ZNF382: variants seen among roughly 807,000 people sequenced by gnomAD.
ZNF382 encodes KRAB/zinc finger suppressor protein 1.
A neutral mutation model predicts 38.8 loss-of-function variants in ZNF382; 20 were observed. The ratio of observed to expected loss-of-function variants is 0.51; its 90% CI spans 0.36 to 0.75. The LOEUF (loss-of-function observed/expected upper bound fraction) is 0.75, where lower values mean the gene tolerates loss of function less well. Among genes scored for constraint, ZNF382 ranks in the 30% least tolerant of loss-of-function variants. The probability of loss-of-function intolerance (pLI) is 0.00; values close to 1 mark genes in which losing one functional copy is unlikely to be tolerated. For missense variants in ZNF382, 546 were observed against 654.1 expected (o/e 0.83, Z 1.80); for synonymous variants, 202 against 223.1 (o/e 0.91, Z 0.84).
rs1170676147 is a variant in ZNF382 at position 36,631,313 on chromosome 19, T to C, written c.*3763T>C. 1 of 152,132 alleles carries C rather than the reference T, an allele frequency of 6.6e-6. No homozygotes were observed. Among genetic ancestry groups the C allele is most frequent in the Non-Finnish European group, 1.5e-5 (1 of 68,028 alleles). 9.4% of individuals were successfully genotyped at this position (152,132 alleles called of 1,614,324 possible). On this transcript the variant is annotated 3_prime_UTR_variant, in exon 5 of 5. Coordinates refer to ENST00000292928, the MANE Select transcript of ZNF382 (RefSeq NM_032825.5). ...TACTGTGCTGGATACTATAGGCAATTGTAACACAATGGTAATTATTTGTAT... is the reference window on the plus strand; with the variant it reads ...TACTGTGCTGGATACTATAGGCAATCGTAACACAATGGTAATTATTTGTAT...
intron 4 of ZNF382, among the ~76,000 whole-genome samples, chr19:36,616,918 TGGA>T (rs1333776294): frequency 2.0e-5 from 3 of 151,800 alleles, no homozygotes; most frequent in Non-Finnish European, 4.4e-5. Context: ...GACAGAGGGA[TGGA>T]GGAGTTCTGA....
chr19:36,613,306 A>G (rs923463995), intron 4 of ZNF382, among the ~76,000 whole-genome samples: 5 of 151,808 alleles, frequency 3.3e-5, no homozygotes, highest in African/African-American at 4.8e-5. Context: ...TGTTTCTTTT[A>G]TCATTAATTA....
Position 36,627,595 on chromosome 19 carries a change from C to G in ZNF382, c.*45C>G. On this transcript the variant is annotated 3_prime_UTR_variant, in exon 5 of 5. Coordinates refer to ENST00000292928, the MANE Select transcript of ZNF382 (RefSeq NM_032825.5). The stretch of plus-strand genomic sequence containing the variant: ...AAAAAAATGTTAAGTCATAGTAAAC[C>G]CTGTAGATGATGTTGCTTGCAAGCG... 2.1e-6 allele frequency: 3 copies of G among 1,421,514 alleles called. No homozygotes were observed. The highest frequency in any genetic ancestry group is 2.9e-6 in the Non-Finnish European group (3 of 1,022,012). The allele number at this position is 1,421,514 out of a possible 1,614,324, so 88.1% of individuals were successfully genotyped here. A position where few individuals can be genotyped will look rare whatever the true frequency, so the allele number is the denominator to read the frequency against.
rs1420992640 is a variant in ZNF382, at chr19:36,618,412, G to A, written c.232+7670G>A. Among the ~76,000 whole-genome samples, 3 of 152,188 alleles carry A rather than the reference G, an allele frequency of 2.0e-5. No homozygotes were observed. In the East Asian group the frequency reaches 5.8e-4, roughly 29 times the overall value. ...GTAGTTAACCAAGGCTTTGAGGATG[G>A]CTTATGCCAACTTTGGGGCTCTGCT... is the stretch of plus-strand genomic sequence containing the variant. On this transcript the variant is annotated intron_variant, in intron 4 of 4. Transcript: ENST00000292928.
rs970790256 is a variant in ZNF382, at chr19:36,626,702, G to A, written c.805G>A (p.Ala269Thr). 2.5e-6 allele frequency: 4 copies of A among 1,613,940 alleles called. No homozygotes were observed. The highest frequency in any genetic ancestry group is 3.4e-6 in the Non-Finnish European group (4 of 1,180,012). ...TAATCTTATGGAAAAGAAGCCCTCTGCCTACAACAAATATGGGAAATTCCT... is the reference window on the plus strand; with the variant it reads ...TAATCTTATGGAAAAGAAGCCCTCTACCTACAACAAATATGGGAAATTCCT... ...PSNLMEKKPS[A>T]YNKYGKFLCR... The change falls in exon 5 of 5, where the codon GCC becomes ACC. Residue 269 changes from alanine (A) to threonine (T), a missense_variant. Transcript: ENST00000292928.
rs1208610621 is a variant in ZNF382, at chr19:36,610,734, G to A, written c.224G>A (p.Ser75Asn). Residue 75 changes from serine (S) to asparagine (N), a missense_variant, in exon 4 of 5, where the codon AGC (serine) becomes AAC (asparagine). Coordinates refer to ENST00000292928, the MANE Select transcript of ZNF382 (RefSeq NM_032825.5). ...LWTQRIFPSY[S>N]YLEEDGKTED... ...ACACAGAGAATTTTTCCAAGTTACA[G>A]CTACCTAGGTGAGTCTATAAATGAA... 6.2e-7 allele frequency: 1 copy of A among 1,612,324 alleles called. No homozygotes were observed. Among genetic ancestry groups the A allele is most frequent in the Non-Finnish European group, 8.5e-7 (1 of 1,178,692 alleles).
chr19:36,632,840 A>C lies in ZNF382; in HGVS notation c.*5290A>C, dbSNP rs1025961379. ...TCACCCTCTGTGTCCCCAGTATCAG[A>C]TAGTGCACAGTACATCTCAAATGTG... On this transcript the variant is annotated 3_prime_UTR_variant, in exon 5 of 5. Coordinates refer to ENST00000292928, the MANE Select transcript of ZNF382 (RefSeq NM_032825.5). 1.3e-5 allele frequency: 2 copies of C among 152,220 alleles called. No homozygotes were observed. The highest frequency in any genetic ancestry group is 1.5e-5 in the Non-Finnish European group (1 of 68,054). 9.4% of individuals were successfully genotyped at this position (152,220 alleles called of 1,614,324 possible).
rs116515402 is a variant in ZNF382 at position 36,620,206 on chromosome 19, A to G, written c.233-5924A>G. On this transcript the variant is annotated intron_variant, in intron 4 of 4. Transcript: ENST00000292928. ...GACCTACCACCAGGTTCCAAAATCC[A>G]TATGCCTGGGACCAAAATGGTAATT... Among the ~76,000 whole-genome samples the G allele has an allele frequency of 5.4e-3, 817 of 152,256 alleles. 8 individuals are homozygous for G. Among genetic ancestry groups the G allele is most frequent in the African/African-American group, 0.018 (760 of 41,554 alleles).
chr19:36,607,892 C>T (rs933144402), intron 2 of ZNF382: 8 of 403,804 alleles, frequency 2.0e-5, no homozygotes, highest in Non-Finnish European at 2.6e-5. Context: ...TCCATTCCAA[C>T]CAAATCAACT....
intron 4 of ZNF382, among the ~76,000 whole-genome samples, chr19:36,624,353 T>C (rs1187342426): frequency 6.6e-6 from 1 of 152,252 alleles, no homozygotes; most frequent in African/African-American, 2.4e-5. Flanking sequence ...TAGTATTCTA[T>C]TGTGTAATAC....
At chr19:36,623,675 T>C (rs775200177) in intron 4 of ZNF382, among the ~76,000 whole-genome samples, 22 of 151,700 alleles carry the variant, frequency 1.5e-4, no homozygotes, top group Non-Finnish European at 2.6e-4. Flanking sequence ...ACACCTGTAG[T>C]CCCAGCTACT....
intron 4 of ZNF382, among the ~76,000 whole-genome samples, chr19:36,614,924 CCTTTCCCT>C (rs2037111852): frequency 1.8e-5 from 1 of 56,244 alleles, no homozygotes; most frequent in African/African-American, 8.7e-5. Flanking sequence ...CTTCCCTTTC[CCTTTCCCT>C]TTCCCTTTCC....
intron 4 of ZNF382, among the ~76,000 whole-genome samples, chr19:36,620,507 C>G (rs2037160511): frequency 6.6e-6 from 1 of 152,196 alleles, no homozygotes. Flanking sequence ...TTTATTCACT[C>G]TCAGTTCTTG....
At chr19:36,608,881 A>C (rs549634202) in intron 2 of ZNF382, 1 of 152,210 alleles carries the variant, frequency 6.6e-6, no homozygotes, top group Non-Finnish European at 1.5e-5. Flanking sequence ...TCCACTCTAC[A>C]GCCAATTTAC....
chr19:36,628,769 C>A lies in ZNF382; in HGVS notation c.*1219C>A, dbSNP rs1273706878. 1.3e-5 allele frequency: 2 copies of A among 152,450 alleles called. No homozygotes were observed. The highest frequency in any genetic ancestry group is 2.1e-4 in the South Asian group (1 of 4,826). 9.4% of individuals were successfully genotyped at this position (152,450 alleles called of 1,614,324 possible). ...ATGGTCTGTATCTACTGGTCAGGTACAAATGATGAATATGGAAAAGCTTAT... is the reference window on the plus strand; with the variant it reads ...ATGGTCTGTATCTACTGGTCAGGTAAAAATGATGAATATGGAAAAGCTTAT... On this transcript the variant is annotated 3_prime_UTR_variant, in exon 5 of 5. Transcript: ENST00000292928.
chr19:36,610,438 A>G, intron 3 of ZNF382: 1 of 415,384 alleles, frequency 2.4e-6, no homozygotes, highest in South Asian at 3.1e-5. Context: ...CCTGAGTGAA[A>G]GAGTGAGACT....
In ZNF382 at chr19:36,628,018, A is replaced by C. The variant is rs376185287; in HGVS notation, c.*468A>C. 7.4e-4 allele frequency: 116 copies of C among 156,764 alleles called. No homozygotes were observed. The highest frequency in any genetic ancestry group is 2.4e-3 in the African/African-American group (98 of 41,588). 9.7% of individuals were successfully genotyped at this position (156,764 alleles called of 1,614,324 possible). A position where few individuals can be genotyped will look rare whatever the true frequency, so the allele number is the denominator to read the frequency against. The stretch of plus-strand genomic sequence containing the variant: ...CAGTTGACCATGATTCTGACTTCTA[A>C]CATTACAAATTAGTTTTTACTATTA... On this transcript the variant is annotated 3_prime_UTR_variant, in exon 5 of 5. Transcript: ENST00000292928.
chr19:36,613,183 T>C (rs187234939), intron 4 of ZNF382, among the ~76,000 whole-genome samples: 6 of 152,336 alleles, frequency 3.9e-5, no homozygotes, highest in African/African-American at 1.2e-4. Flanking sequence ...AGAAATCTTT[T>C]GTTCAATGTA....
intron 4 of ZNF382, among the ~76,000 whole-genome samples, chr19:36,619,562 A>G (rs1018165063): frequency 6.6e-6 from 1 of 152,166 alleles, no homozygotes; most frequent in African/African-American, 2.4e-5. Context: ...TGGAATTCCT[A>G]AGCAAGCACA....
Sources: gnomAD v4.1 joint callset for allele counts (sites outside exome capture counted in the v4.1 genomes callset) on GRCh38, gnomAD v4.1.1 for gene constraint, MANE v1.5 for transcripts, NCBI Gene and HGNC (gene_info 2026-07-23, HGNC 2026-07-21) for gene names.